CFAP92: variants seen among roughly 807,000 people sequenced by gnomAD.
The protein encoded by CFAP92 is uncharacterized protein CFAP92.
In CFAP92, 86 loss-of-function variants were observed where a neutral mutation model predicts 106.3. The ratio of observed to expected loss-of-function variants is 0.81; its 90% CI spans 0.68 to 0.97. The LOEUF (loss-of-function observed/expected upper bound fraction) is 0.97. Ranked by LOEUF, CFAP92 falls within the 50% of genes least tolerant of loss-of-function variation. The pLI is 0.00. For missense variants in CFAP92, 1,204 were observed against 1,283.8 expected (o/e 0.94, Z 0.95); for synonymous variants, 477 against 506.4 (o/e 0.94, Z 0.78).
intron 12 of CFAP92, 109 bp from the exon 13 acceptor site, chr3:128,916,380 AT>A: frequency 2.6e-5 from 19 of 737,750 alleles, no homozygotes; most frequent in South Asian, 7.3e-5. Flanking sequence ...GCAGGTATTG[AT>A]TGATTCTTCA....
intron 4 of CFAP92, among the ~76,000 whole-genome samples, chr3:128,980,481 G>A (rs1229846589): frequency 6.6e-6 from 1 of 151,930 alleles, no homozygotes; most frequent in African/African-American, 2.4e-5. Context: ...GATGGTGGGT[G>A]CTGAGGGCTG....
At chr3:128,917,155 C>T (rs979761735) in intron 12 of CFAP92, among the ~76,000 whole-genome samples, 17 of 152,156 alleles carry the variant, frequency 1.1e-4, no homozygotes, top group African/African-American at 3.6e-4. Context: ...GGAGCACCTG[C>T]GAGAAGATTA....
At chr3:128,942,935 T>TTAA in intron 10 of CFAP92, among the ~76,000 whole-genome samples, 1 of 148,058 alleles carries the variant, frequency 6.8e-6, no homozygotes, top group African/African-American at 2.5e-5. Flanking sequence ...TTTTTTTTTT[T>TTAA]TTTGAGACGG....
At chr3:128,935,971 C>T (rs796913016) in intron 10 of CFAP92, among the ~76,000 whole-genome samples, 28 of 152,354 alleles carry the variant, frequency 1.8e-4, no homozygotes, top group African/African-American at 6.7e-4. Context: ...CATCTTTCAA[C>T]ACCTGGGACC....
At chr3:128,956,125 G>A (rs1325530815) in intron 9 of CFAP92, among the ~76,000 whole-genome samples, 1 of 98,714 alleles carries the variant, frequency 1.0e-5, no homozygotes, top group Non-Finnish European at 1.8e-5. Context: ...ATTGTCCCAT[G>A]ACCCTGCCAA....
the CFAP92 span, among the ~76,000 whole-genome samples, chr3:129,024,716 C>T: frequency 2.0e-4 from 30 of 152,186 alleles, 1 homozygote; most frequent in East Asian, 9.7e-4. Context: ...GAGCCCACTC[C>T]TGCAGTAATG....
At chr3:129,004,563 C>T (rs1944986279), upstream of CFAP92, among the ~76,000 whole-genome samples, 1 of 150,540 alleles carries the variant, frequency 6.6e-6, no homozygotes, top group Non-Finnish European at 1.5e-5. Flanking sequence ...GCCGTCCATC[C>T]ATCCTCCTGT....
chr3:128,983,337 C>G (rs1464095889), intron 4 of CFAP92, among the ~76,000 whole-genome samples: 1 of 152,208 alleles, frequency 6.6e-6, no homozygotes, highest in Non-Finnish European at 1.5e-5. Context: ...GTGACATGTG[C>G]TGCCCCACTC....
chr3:128,925,864 A>G (rs901086918), intron 12 of CFAP92, among the ~76,000 whole-genome samples: 2 of 152,196 alleles, frequency 1.3e-5, no homozygotes, highest in African/African-American at 4.8e-5. Context: ...AACAGAAACA[A>G]TGGAAGTCAG....
intron 4 of CFAP92, among the ~76,000 whole-genome samples, chr3:128,981,445 C>T (rs1178271576): frequency 1.3e-5 from 2 of 152,152 alleles, no homozygotes; most frequent in Non-Finnish European, 2.9e-5. Flanking sequence ...ATTCTCTAGC[C>T]TCAGCCTCCC....
At chr3:129,019,011 C>G in the CFAP92 span, among the ~76,000 whole-genome samples, 1 of 152,182 alleles carries the variant, frequency 6.6e-6, no homozygotes, top group Non-Finnish European at 1.5e-5. Flanking sequence ...ACACCAAGTG[C>G]GTGTCCTCCC....
intron 2 of CFAP92, among the ~76,000 whole-genome samples, chr3:128,990,783 C>G (rs1944163935): frequency 6.6e-6 from 1 of 151,918 alleles, no homozygotes; most frequent in Admixed American, 6.6e-5. Flanking sequence ...GTGGTCCCAG[C>G]TACTTTGGGA....
At chr3:129,015,929 G>A in the CFAP92 span, among the ~76,000 whole-genome samples, 2 of 152,360 alleles carry the variant, frequency 1.3e-5, no homozygotes, top group South Asian at 2.1e-4. Context: ...AGTAGGTGCT[G>A]CAGCGTGGCC....
intron 9 of CFAP92, among the ~76,000 whole-genome samples, chr3:128,965,272 G>A (rs1241227997): frequency 6.6e-6 from 1 of 151,862 alleles, no homozygotes; most frequent in Non-Finnish European, 1.5e-5. Context: ...CCTATAAAAC[G>A]GCCCCACCCC....
In CFAP92 at chr3:128,993,348, A is replaced by G. The variant is rs1215355094; in HGVS notation, c.-32-12T>C. The G allele has an allele frequency of 1.3e-6, 2 of 1,566,194 alleles. No homozygotes were observed. Among genetic ancestry groups the G allele is most frequent in the African/African-American group, 2.7e-5 (2 of 73,846 alleles). On this transcript the variant is annotated splice_polypyrimidine_tract_variant and intron_variant, in intron 1 of 15. Transcript: ENST00000645291. ...GGCCGCCGGCGCTCCTGGCAGGGAG[A>G]AAGTGAAGGCTGTCCCCGCCTGTAT...
chr3:128,962,296 T>C (rs375293248), intron 9 of CFAP92, among the ~76,000 whole-genome samples: 2 of 152,102 alleles, frequency 1.3e-5, no homozygotes, highest in African/African-American at 4.8e-5. Context: ...CCACTCCACA[T>C]TACCTTCTTT....
intron 12 of CFAP92, among the ~76,000 whole-genome samples, chr3:128,930,086 G>A (rs1938176380): frequency 6.6e-6 from 1 of 152,070 alleles, no homozygotes; most frequent in Admixed American, 6.6e-5. Context: ...AGAGATTTTA[G>A]CAAATTTGTA....
chr3:128,922,852 C>T (rs1937406039), intron 12 of CFAP92, among the ~76,000 whole-genome samples: 1 of 152,228 alleles, frequency 6.6e-6, no homozygotes, highest in African/African-American at 2.4e-5. Context: ...GCCACAGCAT[C>T]TAGTGGACCC....
At chr3:128,978,886 T>C (rs908918856) in intron 4 of CFAP92, among the ~76,000 whole-genome samples, 2 of 152,230 alleles carry the variant, frequency 1.3e-5, no homozygotes, top group African/African-American at 2.4e-5. Flanking sequence ...ATTCAGGACA[T>C]AGGCATGGGC....
Sources: allele counts gnomAD v4.1 joint callset (sites outside exome capture counted in the v4.1 genomes callset), GRCh38; gene constraint gnomAD v4.1.1; transcripts MANE v1.5; gene names NCBI Gene and HGNC (gene_info 2026-07-23, HGNC 2026-07-21).